The following OXR1 variants were observed in gnomAD, a reference collection of about 807,000 sequenced individuals.
OXR1 encodes the protein oxidation resistance protein 1.
OXR1 carries 41 observed loss-of-function variants against 104.6 expected under a neutral mutation model. The ratio of observed to expected loss-of-function variants is 0.39; its 90% confidence interval spans 0.31 to 0.51. The LOEUF (loss-of-function observed/expected upper bound fraction) is 0.51, where lower values mean the gene tolerates loss of function less well. Among genes scored for constraint, OXR1 ranks in the 20% least tolerant of loss-of-function variants. The pLI is 0.77. For synonymous variants in OXR1, 348 were observed against 348.4 expected, an observed-to-expected ratio of 1.00 and a Z score of 0.01; for missense variants, 955 against 1,031.9, an observed-to-expected ratio of 0.93 and a Z score of 1.02.
intron 7 of OXR1, among the ~76,000 whole-genome samples, chr8:106,694,912 C>CATATTTATAT (rs1401035145): frequency 5.6e-5 from 6 of 107,692 alleles, no homozygotes; most frequent in African/African-American, 2.2e-4. Flanking sequence ...TATCTATTTA[C>CATATTTATAT]ATATTTATAT....
chr8:106,669,616 ACT>A (rs573044810), intron 3 of OXR1, among the ~76,000 whole-genome samples: 27 of 152,014 alleles, frequency 1.8e-4, no homozygotes, highest in Non-Finnish European at 2.6e-4. Flanking sequence ...TATCTATATT[ACT>A]GTTTTTGAAA....
intron 3 of OXR1, among the ~76,000 whole-genome samples, chr8:106,565,530 A>G (rs2130523471): frequency 6.6e-6 from 1 of 152,310 alleles, no homozygotes; most frequent in Admixed American, 6.5e-5. Context: ...AAGAATAAAT[A>G]TCATGAAAAT....
At chr8:106,399,782 G>A (rs1188970658) in intron 2 of OXR1, among the ~76,000 whole-genome samples, 1 of 152,092 alleles carries the variant, frequency 6.6e-6, no homozygotes, top group Non-Finnish European at 1.5e-5. Flanking sequence ...AATTACTCAA[G>A]GCCACACAGC....
intron 3 of OXR1, among the ~76,000 whole-genome samples, chr8:106,579,593 A>G (rs993080646): frequency 6.6e-6 from 1 of 152,164 alleles, no homozygotes; most frequent in Non-Finnish European, 1.5e-5. Context: ...ACTGCTCATG[A>G]GAACCCCATA....
At chr8:106,645,354 C>T (rs1405341923) in intron 3 of OXR1, among the ~76,000 whole-genome samples, 1 of 152,164 alleles carries the variant, frequency 6.6e-6, no homozygotes, top group Non-Finnish European at 1.5e-5. Flanking sequence ...GCCAGCTTGG[C>T]ACCCATATGA....
chr8:106,468,643 T>A (rs1199802576), intron 2 of OXR1, among the ~76,000 whole-genome samples: 1 of 151,764 alleles, frequency 6.6e-6, no homozygotes, highest in Non-Finnish European at 1.5e-5. Flanking sequence ...GTAAGGAATT[T>A]TGTTTGTCAC....
At chr8:106,426,426 T>G (rs1819123316) in intron 2 of OXR1, among the ~76,000 whole-genome samples, 1 of 152,162 alleles carries the variant, frequency 6.6e-6, no homozygotes, top group Admixed American at 6.6e-5. Context: ...ACATTTGTAT[T>G]TATAATAGCT....
At chr8:106,561,291 G>T (rs192799002) in intron 3 of OXR1, among the ~76,000 whole-genome samples, 83 of 152,214 alleles carry the variant, frequency 5.5e-4, no homozygotes, top group African/African-American at 1.8e-3. Flanking sequence ...TTGGTGGGGG[G>T]AGGGGCATCC....
chr8:106,568,571 G>A (rs1817242847), intron 3 of OXR1, among the ~76,000 whole-genome samples: 1 of 152,122 alleles, frequency 6.6e-6, no homozygotes, highest in African/African-American at 2.4e-5. Flanking sequence ...AGCTCTTGAA[G>A]AGAGTTGTCC....
At chr8:106,291,437 A>G (rs1812745175) in intron 1 of OXR1, among the ~76,000 whole-genome samples, 1 of 152,210 alleles carries the variant, frequency 6.6e-6, no homozygotes. Context: ...GGAAACCATT[A>G]TAAATGCAAG....
intron 3 of OXR1, among the ~76,000 whole-genome samples, chr8:106,606,555 G>A (rs561720227): frequency 7.4e-5 from 11 of 148,970 alleles, no homozygotes; most frequent in East Asian, 2.0e-4. Context: ...CAAATGATCC[G>A]CCCGCTTCAG....
chr8:106,405,178 A>G (rs1563757915), intron 2 of OXR1, among the ~76,000 whole-genome samples: 1,655 of 26,936 alleles, frequency 0.061, 84 homozygotes, highest in African/African-American at 0.22. Flanking sequence ...ATATATATAT[A>G]TATATATATA....
At chr8:106,460,983 A>G (rs1018772588) in intron 2 of OXR1, among the ~76,000 whole-genome samples, 2 of 151,902 alleles carry the variant, frequency 1.3e-5, no homozygotes, top group Non-Finnish European at 2.9e-5. Flanking sequence ...TTATATTTAT[A>G]TATTTAAGAC....
intron 1 of OXR1, among the ~76,000 whole-genome samples, chr8:106,284,820 A>C: frequency 6.6e-6 from 1 of 152,038 alleles, no homozygotes; most frequent in East Asian, 1.9e-4. Flanking sequence ...TTAAAAAAAA[A>C]GGCTGTTAAA....
intron 2 of OXR1, among the ~76,000 whole-genome samples, chr8:106,369,168 T>C (rs911395238): frequency 7.9e-5 from 12 of 152,196 alleles, no homozygotes; most frequent in Non-Finnish European, 1.6e-4. Context: ...TTAAGCTATT[T>C]TGCATATGTT....
At chr8:106,558,345 C>CCACT (rs1454332842) in intron 3 of OXR1, among the ~76,000 whole-genome samples, 1 of 152,178 alleles carries the variant, frequency 6.6e-6, no homozygotes, top group Non-Finnish European at 1.5e-5. Flanking sequence ...AATTCCAAAG[C>CCACT]CACTGCCCTG....
chr8:106,704,127 C>T (rs947128521), intron 8 of OXR1, among the ~76,000 whole-genome samples: 1 of 152,146 alleles, frequency 6.6e-6, no homozygotes, highest in Non-Finnish European at 1.5e-5. Context: ...ACTTGGTAGA[C>T]TAATCTTTAG....
chr8:106,501,188 A>G (rs1409974283), intron 2 of OXR1, among the ~76,000 whole-genome samples: 1 of 152,140 alleles, frequency 6.6e-6, no homozygotes, highest in Non-Finnish European at 1.5e-5. Flanking sequence ...CAGTGACACA[A>G]TCAAGGTTCA....
chr8:106,670,818 G>A (rs1373987474), intron 3 of OXR1, among the ~76,000 whole-genome samples: 2 of 152,032 alleles, frequency 1.3e-5, no homozygotes, highest in African/African-American at 4.8e-5. Flanking sequence ...GTAGATGAGA[G>A]ATAGAATGGG....
Sources: allele counts gnomAD v4.1 joint callset (sites outside exome capture counted in the v4.1 genomes callset), GRCh38; gene constraint gnomAD v4.1.1; transcripts MANE v1.5; gene names NCBI Gene and HGNC (gene_info 2026-07-23, HGNC 2026-07-21).